Variants in LIN7C observed in about 807,000 individuals in gnomAD.
LIN7C encodes the protein protein lin-7 homolog C.
A neutral mutation model predicts 24.7 loss-of-function variants in LIN7C; 17 were observed. The observed-to-expected ratio is 0.69, with a 90% confidence interval of 0.47 to 1.03. The LOEUF is 1.03. Ranked by LOEUF, LIN7C falls within the 50% of genes least tolerant of loss-of-function variation. The pLI is 0.00. For missense variants in LIN7C, 204 were observed against 239.0 expected, an observed-to-expected ratio of 0.85 and a Z score of 0.97; for synonymous variants, 90 against 83.4, an observed-to-expected ratio of 1.08 and a Z score of -0.43.
intron 1 of LIN7C, among the ~76,000 whole-genome samples, chr11:27,503,770 C>T (rs1433103935): frequency 6.6e-6 from 1 of 151,114 alleles, no homozygotes; most frequent in Non-Finnish European, 1.5e-5. Flanking sequence ...CCTCAGCTTC[C>T]CAAGGTGCTG....
chr11:27,503,058 T>C (rs1045881493), intron 1 of LIN7C, among the ~76,000 whole-genome samples: 7 of 152,194 alleles, frequency 4.6e-5, no homozygotes, highest in East Asian at 3.9e-4. Flanking sequence ...GAGGTTGCAG[T>C]GAGCTGAGAT....
At position 27,497,922 on chromosome 11, in the gene LIN7C, C is replaced by G. The variant is rs1418313201; in HGVS notation, c.*727G>C. Reference sequence around the variant, plus strand: ...ATAGGGATGTAATAAGTAATGCTATCAATTACATCCTCTTGCCTCAATGCT... The same window carrying G: ...ATAGGGATGTAATAAGTAATGCTATGAATTACATCCTCTTGCCTCAATGCT... On this transcript the variant is annotated 3_prime_UTR_variant, in exon 5 of 5. Coordinates refer to ENST00000278193, the MANE Select transcript of LIN7C (RefSeq NM_018362.4). The G allele has an allele frequency of 2.6e-5, 4 of 152,086 alleles. No individual in the cohort carries two copies. The highest frequency in any genetic ancestry group is 1.5e-5 in the Non-Finnish European group (1 of 67,958). The allele number at this position is 152,086 out of a possible 1,614,324, so 9.4% of individuals were successfully genotyped here.
chr11:27,505,720 T>C (rs1865277470), intron 1 of LIN7C, among the ~76,000 whole-genome samples: 1 of 152,236 alleles, frequency 6.6e-6, no homozygotes, highest in Non-Finnish European at 1.5e-5. Context: ...TTTAGACTAA[T>C]TGCAAATGTT....
intron 1 of LIN7C, among the ~76,000 whole-genome samples, chr11:27,502,558 T>G (rs1865236507): frequency 6.6e-6 from 1 of 151,888 alleles, no homozygotes. Flanking sequence ...TCAAACAAGC[T>G]CCAACACTTA....
intron 4 of LIN7C, 147 bp from the exon 5 acceptor site, chr11:27,498,951 C>T (rs1865195874): frequency 5.5e-6 from 4 of 731,898 alleles, no homozygotes; most frequent in Non-Finnish European, 6.7e-6. Context: ...ATAATCCTGC[C>T]TTACCATTTT....
intron 3 of LIN7C, among the ~76,000 whole-genome samples, chr11:27,500,470 TC>T (rs1865213944): frequency 6.6e-6 from 1 of 152,154 alleles, no homozygotes; most frequent in South Asian, 2.1e-4. Flanking sequence ...CAACTAAAAA[TC>T]CCCACAGAAG....
chr11:27,501,834 G>A lies in LIN7C; in HGVS notation c.124C>T (p.Leu42Phe). The change falls in exon 2 of 5, where the codon CTT becomes TTT. Residue 42 changes from leucine to phenylalanine, a missense_variant. Leu to Phe is a conservative substitution (Grantham distance 22). Transcript: ENST00000278193. ...PQKLQALQRV[L>F]QSEFCNAVRE... ...ACAGCATTGCAGAATTCACTTTGAA[G>A]GACTCTTTGCAAAGCCTGAAGTTTC... is the stretch of plus-strand genomic sequence containing the variant. 1.7e-5 allele frequency: 27 copies of A among 1,612,258 alleles called. No homozygotes were observed. Among genetic ancestry groups the A allele is most frequent in the Non-Finnish European group, 2.2e-5 (26 of 1,178,494 alleles).
chr11:27,497,934 C>G lies in LIN7C; in HGVS notation c.*715G>C, dbSNP rs939477908. On this transcript the variant is annotated 3_prime_UTR_variant, in exon 5 of 5. Transcript: ENST00000278193. ...TAAGTAATGCTATCAATTACATCCTCTTGCCTCAATGCTCAAATATTAAGA... is the reference window on the plus strand; with the variant it reads ...TAAGTAATGCTATCAATTACATCCTGTTGCCTCAATGCTCAAATATTAAGA... The G allele has an allele frequency of 1.1e-4, 16 of 152,150 alleles. No homozygotes were observed. Among genetic ancestry groups the G allele is most frequent in the Admixed American group, 3.9e-4 (6 of 15,286 alleles). The allele number at this position is 152,150 out of a possible 1,614,324, so 9.4% of individuals were successfully genotyped here.
At chr11:27,501,391 T>C (rs1865224488) in intron 3 of LIN7C, 104 bp downstream of exon 3, 3 of 730,964 alleles carry the variant, frequency 4.1e-6, no homozygotes, top group Non-Finnish European at 7.0e-6. Context: ...GCTTGAAAGA[T>C]ACATGTTAGT....
rs991167760 is a variant in LIN7C at position 27,495,711 on chromosome 11, C to T, written c.*2938G>A. The T allele has an allele frequency of 1.4e-4, 21 of 146,460 alleles. No individual in the cohort carries two copies. Among genetic ancestry groups the T allele is most frequent in the Non-Finnish European group, 2.4e-4 (16 of 66,290 alleles). The allele number at this position is 146,460 out of a possible 1,614,324, so 9.1% of individuals were successfully genotyped here. A position where few individuals can be genotyped will look rare whatever the true frequency, so the allele number is the denominator to read the frequency against. On this transcript the variant is annotated 3_prime_UTR_variant, in exon 5 of 5. Coordinates refer to ENST00000278193, the MANE Select transcript of LIN7C (RefSeq NM_018362.4). ...AGAATGATGACAGACATAAAAAGCT[C>T]ACATTTAAATTACTGGTAGATTTTA...
intron 1 of LIN7C, among the ~76,000 whole-genome samples, chr11:27,504,621 C>T (rs975744985): frequency 3.3e-5 from 5 of 152,170 alleles, no homozygotes; most frequent in African/African-American, 1.2e-4. Flanking sequence ...TCATTAGGAC[C>T]TTCTTCAGAT....
In LIN7C at chr11:27,496,712, A is replaced by C. The variant is rs565101799; in HGVS notation, c.*1937T>G. On this transcript the variant is annotated 3_prime_UTR_variant, in exon 5 of 5. Coordinates refer to ENST00000278193, the MANE Select transcript of LIN7C (RefSeq NM_018362.4). ...AAAGTTTCAACACCAAAAAAGATTTAACTTGGCTGAAAGTTCTGAAACAGC... is the reference window on the plus strand; with the variant it reads ...AAAGTTTCAACACCAAAAAAGATTTCACTTGGCTGAAAGTTCTGAAACAGC... The C allele has an allele frequency of 1.1e-4, 17 of 152,284 alleles. No individual in the cohort carries two copies. Among genetic ancestry groups the C allele is most frequent in the Non-Finnish European group, 2.4e-4 (16 of 67,996 alleles). The allele number at this position is 152,284 out of a possible 1,614,324, so 9.4% of individuals were successfully genotyped here. A position where few individuals can be genotyped will look rare whatever the true frequency, so the allele number is the denominator to read the frequency against.
intron 3 of LIN7C, among the ~76,000 whole-genome samples, chr11:27,501,197 CATATAT>C (rs1865222011): frequency 6.6e-6 from 1 of 151,924 alleles, no homozygotes; most frequent in Admixed American, 6.6e-5. Context: ...TATATAGTAT[CATATAT>C]ATAACATATA....
intron 4 of LIN7C, 94 bp downstream of exon 4, chr11:27,499,264 TA>T: frequency 9.9e-7 from 1 of 1,007,472 alleles, no homozygotes; most frequent in Non-Finnish European, 1.5e-6. Flanking sequence ...AAGGCATTTC[TA>T]AACCACAAGT....
chr11:27,499,964 A>T (rs1865207759), intron 3 of LIN7C, among the ~76,000 whole-genome samples: 1 of 152,178 alleles, frequency 6.6e-6, no homozygotes, highest in Non-Finnish European at 1.5e-5. Flanking sequence ...TTGAGCACGT[A>T]TTTTTGACGT....
At position 27,498,585 on chromosome 11, in the gene LIN7C, A is replaced by G; in HGVS notation, c.*64T>C. 1 of 1,437,322 alleles carries G rather than the reference A, an allele frequency of 7.0e-7. No homozygotes were observed. The highest frequency in any genetic ancestry group is 9.6e-7 in the Non-Finnish European group (1 of 1,037,294). 89.0% of individuals were successfully genotyped at this position (1,437,322 alleles called of 1,614,324 possible). A position where few individuals can be genotyped will look rare whatever the true frequency, so the allele number is the denominator to read the frequency against. ...TACAATCATTGGCATTGCAGCCATT[A>G]GTAAGTCACAAGGAAAACTTCTCTA... On this transcript the variant is annotated 3_prime_UTR_variant, in exon 5 of 5. Coordinates refer to ENST00000278193, the MANE Select transcript of LIN7C (RefSeq NM_018362.4).
At chr11:27,503,347 C>G (rs1865243807) in intron 1 of LIN7C, among the ~76,000 whole-genome samples, 1 of 152,130 alleles carries the variant, frequency 6.6e-6, no homozygotes, top group Admixed American at 6.5e-5. Context: ...TTTTGTACCC[C>G]TGGTACTACA....
chr11:27,504,921 A>G (rs1865260853), intron 1 of LIN7C, among the ~76,000 whole-genome samples: 1 of 152,302 alleles, frequency 6.6e-6, no homozygotes, highest in East Asian at 1.9e-4. Context: ...AATTCATCCT[A>G]CTAAGAGGTG....
At chr11:27,502,589 A>G (rs1483321171) in intron 1 of LIN7C, among the ~76,000 whole-genome samples, 1 of 152,204 alleles carries the variant, frequency 6.6e-6, no homozygotes, top group Non-Finnish European at 1.5e-5. Flanking sequence ...AAAGAAAAAT[A>G]AAAACAATTA....
Sources: allele counts gnomAD v4.1 joint callset (sites outside exome capture counted in the v4.1 genomes callset), GRCh38; gene constraint gnomAD v4.1.1; transcripts MANE v1.5; gene names NCBI Gene and HGNC (gene_info 2026-07-23, HGNC 2026-07-21).